GRAMD4: variants seen among roughly 807,000 people sequenced by gnomAD.
GRAMD4 encodes GRAM domain containing 4.
Under a neutral mutation model 83.9 loss-of-function variants are expected in GRAMD4, and 25 were observed. The observed-to-expected ratio is 0.30, with a 90% CI of 0.22 to 0.42. GRAMD4 has a LOEUF of 0.42. Ranked by LOEUF, GRAMD4 falls within the 10% of genes least tolerant of loss-of-function variation. GRAMD4 has a pLI of 1.00. For synonymous variants in GRAMD4, 336 were observed against 320.9 expected (o/e 1.05, Z -0.50); for missense variants, 593 against 788.7 (o/e 0.75, Z 2.97).
At chr22:46,591,644 G>C (rs2081208907) in intron 1 of GRAMD4, among the ~76,000 whole-genome samples, 1 of 151,976 alleles carries the variant, frequency 6.6e-6, no homozygotes, top group Admixed American at 6.6e-5. Context: ...AGACCAGTCT[G>C]GCCAACATGG....
downstream of GRAMD4, chr22:46,682,518 C>G (rs2082675862): frequency 1.2e-6 from 1 of 842,846 alleles, no homozygotes; most frequent in African/African-American, 1.8e-5. Context: ...CCCCAGAACC[C>G]TCGGGACTGC....
At chr22:46,597,841 ACC>A (rs2081277495) in intron 1 of GRAMD4, among the ~76,000 whole-genome samples, 1 of 151,984 alleles carries the variant, frequency 6.6e-6, no homozygotes, top group South Asian at 2.1e-4. Flanking sequence ...TTTGCAAGTT[ACC>A]CTTCTGGGGG....
At chr22:46,592,348 G>A (rs577199822) in intron 1 of GRAMD4, among the ~76,000 whole-genome samples, 1 of 152,116 alleles carries the variant, frequency 6.6e-6, no homozygotes, top group Admixed American at 6.5e-5. Context: ...AGGGGTGCGT[G>A]TCTGTGGTCC....
chr22:46,674,812 C>A, intron 16 of GRAMD4, 62 bp downstream of exon 16: 1 of 1,206,072 alleles, frequency 8.3e-7, no homozygotes, highest in Non-Finnish European at 1.2e-6. Context: ...GCTGCCTAGG[C>A]CCTGGGATGG....
rs941415780 is a variant in GRAMD4, at chr22:46,678,689, AT to A, written c.*1443del. 1 of 985,494 alleles carries A rather than the reference AT, an allele frequency of 1.0e-6. No individual in the cohort carries two copies. The highest frequency in any genetic ancestry group is 1.2e-6 in the Non-Finnish European group (1 of 829,926). 61.0% of individuals were successfully genotyped at this position (985,494 alleles called of 1,614,324 possible). On this transcript the variant is annotated 3_prime_UTR_variant, in exon 19 of 19. Coordinates refer to ENST00000406902, the MANE Select transcript of GRAMD4 (RefSeq NM_015124.5). The stretch of plus-strand genomic sequence containing the variant: ...TTACAGCGAGCAAGCTGGTTTTCTT[AT>A]TTTTGTATCCTTTTTCAGATGTAAT...
Position 46,652,305 on chromosome 22 carries a change from G to T in GRAMD4, c.284-5882G>T, listed in dbSNP as rs1861740. On this transcript the variant is annotated intron_variant, in intron 3 of 18. Coordinates refer to ENST00000406902, the MANE Select transcript of GRAMD4 (RefSeq NM_015124.5). ...GTGACGTCATTGCTCCCTGGGGGCC[G>T]CAAGCCAAGGAGCACAGGAGCCTCA... 2.6e-5 allele frequency among the ~76,000 whole-genome samples: 4 copies of T among 152,036 alleles called. No homozygotes were observed. In the East Asian group the frequency reaches 7.7e-4, roughly 29 times the overall value.
intron 3 of GRAMD4, 109 bp downstream of exon 3, chr22:46,638,069 G>C (rs931500084): frequency 2.6e-5 from 31 of 1,185,228 alleles, no homozygotes; most frequent in Non-Finnish European, 3.5e-5. Context: ...ACCCACGCAG[G>C]CTCCATCGCT....
At chr22:46,584,421 T>C (rs1359571672) in intron 1 of GRAMD4, among the ~76,000 whole-genome samples, 2 of 151,980 alleles carry the variant, frequency 1.3e-5, no homozygotes, top group East Asian at 3.9e-4. Flanking sequence ...TTGAGCAAAG[T>C]GTGAGTTCGC....
Position 46,678,357 on chromosome 22 carries a change from C to T in GRAMD4, c.*1106C>T, listed in dbSNP as rs1035925927. 24 of 985,304 alleles carry T rather than the reference C, an allele frequency of 2.4e-5. No individual in the cohort carries two copies. The highest frequency in any genetic ancestry group is 5.2e-4 in the Middle Eastern group (1 of 1,936). The allele number at this position is 985,304 out of a possible 1,614,324, so 61.0% of individuals were successfully genotyped here. A position where few individuals can be genotyped will look rare whatever the true frequency, so the allele number is the denominator to read the frequency against. On this transcript the variant is annotated 3_prime_UTR_variant, in exon 19 of 19. Coordinates refer to ENST00000406902, the MANE Select transcript of GRAMD4 (RefSeq NM_015124.5). ...AGCCGACATGCGACAGCGTTCCCTC[C>T]CCCGCGTGCCTAGCCGGTGCCGGTC... is the stretch of plus-strand genomic sequence containing the variant.
At chr22:46,647,052 A>G (rs1351941289) in intron 3 of GRAMD4, among the ~76,000 whole-genome samples, 1 of 152,140 alleles carries the variant, frequency 6.6e-6, no homozygotes, top group East Asian at 1.9e-4. Flanking sequence ...CCCTCCCACA[A>G]CACTTGGGAA....
intron 4 of GRAMD4, among the ~76,000 whole-genome samples, chr22:46,658,593 A>T (rs984193243): frequency 5.6e-4 from 85 of 152,024 alleles, no homozygotes; most frequent in African/African-American, 2.0e-3. Context: ...GGCCAGGCCA[A>T]CTGAAGAGAG....
At chr22:46,577,137 T>C in exon 1 of GRAMD4, 1 of 248,002 alleles carries the variant, frequency 4.0e-6, no homozygotes, top group Non-Finnish European at 6.2e-6. Context: ...CGCCGCCGCC[T>C]CCGCGCTCGT....
intron 5 of GRAMD4, among the ~76,000 whole-genome samples, chr22:46,662,409 C>A (rs1601660071): frequency 6.6e-6 from 1 of 152,240 alleles, no homozygotes; most frequent in Non-Finnish European, 1.5e-5. Flanking sequence ...CTGGCTTGCA[C>A]CCCTGAGCCC....
At chr22:46,616,217 T>C (rs1214672685), upstream of GRAMD4, among the ~76,000 whole-genome samples, 2 of 34,890 alleles carry the variant, frequency 5.7e-5, no homozygotes, top group African/African-American at 2.3e-4. Flanking sequence ...TACGTTCCCC[T>C]GTGCGTGTAG....
At chr22:46,634,589 T>C (rs555371247) in intron 2 of GRAMD4, among the ~76,000 whole-genome samples, 12 of 152,164 alleles carry the variant, frequency 7.9e-5, no homozygotes, top group African/African-American at 2.9e-4. Context: ...TGGGGGCAAG[T>C]GGGTCGGAGC....
At chr22:46,604,804 C>T (rs545626942) in intron 1 of GRAMD4, among the ~76,000 whole-genome samples, 92 of 150,592 alleles carry the variant, frequency 6.1e-4, no homozygotes, top group African/African-American at 2.3e-3. Flanking sequence ...CGGGTTCACC[C>T]AGGTTTTGGT....
At chr22:46,663,946 C>G in intron 7 of GRAMD4, 80 bp from the exon 8 acceptor site, 1 of 1,573,426 alleles carries the variant, frequency 6.4e-7, no homozygotes, top group Non-Finnish European at 8.7e-7. Flanking sequence ...GGATTCTGAG[C>G]TGAACCGACT....
chr22:46,579,056 C>G (rs899438392), intron 1 of GRAMD4, among the ~76,000 whole-genome samples: 1 of 152,252 alleles, frequency 6.6e-6, no homozygotes, highest in East Asian at 1.9e-4. Flanking sequence ...AGCCATGCAG[C>G]CTGGGGGCAG....
At chr22:46,624,279 A>G (rs182433791) in intron 1 of GRAMD4, among the ~76,000 whole-genome samples, 19 of 112,870 alleles carry the variant, frequency 1.7e-4, no homozygotes, top group African/African-American at 2.1e-4. Flanking sequence ...AGACTCTTCC[A>G]TCTTCTTCTC....
Sources: allele counts gnomAD v4.1 joint callset (sites outside exome capture counted in the v4.1 genomes callset), GRCh38; gene constraint gnomAD v4.1.1; transcripts MANE v1.5; gene names NCBI Gene and HGNC (gene_info 2026-07-23, HGNC 2026-07-21).